The following ANTXR1 variants were observed in gnomAD, a reference collection of about 807,000 sequenced individuals.
ANTXR1 encodes ANTXR cell adhesion molecule 1, also known as anthrax toxin receptor 1.
A neutral mutation model predicts 78.1 loss-of-function variants in ANTXR1; 19 were observed. That is an observed-to-expected ratio of 0.24 (90% CI 0.17 to 0.36). The LOEUF (loss-of-function observed/expected upper bound fraction) is 0.36. Ranked by LOEUF, ANTXR1 falls within the 10% of genes least tolerant of loss-of-function variation. The pLI is 1.00. For missense variants in ANTXR1, 518 were observed against 718.6 expected, an observed-to-expected ratio of 0.72 and a Z score of 3.19; for synonymous variants, 273 against 260.5, an observed-to-expected ratio of 1.05 and a Z score of -0.46.
intron 17 of ANTXR1, among the ~76,000 whole-genome samples, chr2:69,205,591 CTT>C (rs768055915): frequency 2.3e-4 from 25 of 107,304 alleles, no homozygotes; most frequent in Non-Finnish European, 2.6e-4. Flanking sequence ...TGAACCATGG[CTT>C]TTTTTTTTTT....
At chr2:69,015,664 G>C (rs1420436545) in intron 1 of ANTXR1, among the ~76,000 whole-genome samples, 1 of 151,972 alleles carries the variant, frequency 6.6e-6, no homozygotes, top group East Asian at 1.9e-4. Context: ...TAATTTAGAT[G>C]AATATTACTG....
At chr2:69,196,548 T>C (rs1573969956) in intron 17 of ANTXR1, among the ~76,000 whole-genome samples, 2 of 152,336 alleles carry the variant, frequency 1.3e-5, no homozygotes, top group South Asian at 4.1e-4. Context: ...GCTCTGTCTA[T>C]ATGCTTCTTC....
chr2:69,230,746 GCAA>G (rs1420058749), intron 17 of ANTXR1, among the ~76,000 whole-genome samples: 2 of 152,078 alleles, frequency 1.3e-5, no homozygotes, highest in Non-Finnish European at 2.9e-5. Flanking sequence ...TTTCCAGATT[GCAA>G]CATTTTTCCC....
intron 1 of ANTXR1, among the ~76,000 whole-genome samples, chr2:69,029,926 G>GA (rs1407567307): frequency 6.6e-6 from 1 of 152,090 alleles, no homozygotes; most frequent in African/African-American, 2.4e-5. Flanking sequence ...TGTCAATAGA[G>GA]AAAATGAAAA....
intron 8 of ANTXR1, among the ~76,000 whole-genome samples, chr2:69,079,915 C>T (rs1178457336): frequency 6.6e-6 from 1 of 152,194 alleles, no homozygotes; most frequent in Non-Finnish European, 1.5e-5. Flanking sequence ...TTGAATACAT[C>T]AGCCTTAGCA....
At chr2:69,019,576 A>C (rs1558729239) in intron 1 of ANTXR1, among the ~76,000 whole-genome samples, 1 of 151,906 alleles carries the variant, frequency 6.6e-6, no homozygotes, top group African/African-American at 2.4e-5. Flanking sequence ...AAACCTGCGC[A>C]TCCTGCATAT....
intron 1 of ANTXR1, among the ~76,000 whole-genome samples, chr2:69,030,613 C>G (rs1350644351): frequency 1.3e-5 from 2 of 152,150 alleles, no homozygotes; most frequent in Non-Finnish European, 2.9e-5. Context: ...TCAGCAGAAT[C>G]TGAAAGACAT....
chr2:69,213,250 G>A (rs1460930178), intron 17 of ANTXR1, among the ~76,000 whole-genome samples: 1 of 152,226 alleles, frequency 6.6e-6, no homozygotes, highest in Non-Finnish European at 1.5e-5. Context: ...AGATTGAGCT[G>A]TGACTAGAAC....
intron 16 of ANTXR1, among the ~76,000 whole-genome samples, chr2:69,184,667 C>T (rs1045884218): frequency 1.3e-5 from 2 of 152,112 alleles, no homozygotes; most frequent in South Asian, 4.1e-4. Context: ...CGGTTTAGGA[C>T]TGAATTTGAT....
At chr2:69,089,317 T>C (rs547612608) in intron 8 of ANTXR1, among the ~76,000 whole-genome samples, 11 of 152,208 alleles carry the variant, frequency 7.2e-5, no homozygotes, top group South Asian at 2.1e-4. Context: ...CTTAAGCATG[T>C]TTGTTCATTT....
At chr2:69,221,372 C>G (rs1458840758) in intron 17 of ANTXR1, among the ~76,000 whole-genome samples, 1 of 152,134 alleles carries the variant, frequency 6.6e-6, no homozygotes, top group Non-Finnish European at 1.5e-5. Context: ...AAGTTTATTT[C>G]TTTTCAGTTC....
intron 8 of ANTXR1, among the ~76,000 whole-genome samples, chr2:69,079,655 G>A (rs1670842921): frequency 6.6e-6 from 1 of 152,204 alleles, no homozygotes; most frequent in African/African-American, 2.4e-5. Context: ...TATAGGCAGT[G>A]GGTGTAGTTA....
At chr2:69,106,147 T>C (rs1427329085) in intron 10 of ANTXR1, among the ~76,000 whole-genome samples, 1 of 152,194 alleles carries the variant, frequency 6.6e-6, no homozygotes, top group Non-Finnish European at 1.5e-5. Flanking sequence ...AAAATGCCAA[T>C]ATATTAATGC....
intron 12 of ANTXR1, chr2:69,135,205 G>T: frequency 5.4e-6 from 1 of 186,750 alleles, no homozygotes; most frequent in African/African-American, 2.3e-5. Context: ...GTTTTTCTTG[G>T]ATGTTTGAGC....
At chr2:69,202,033 G>C (rs1175211184) in intron 17 of ANTXR1, among the ~76,000 whole-genome samples, 1 of 152,172 alleles carries the variant, frequency 6.6e-6, no homozygotes, top group Non-Finnish European at 1.5e-5. Flanking sequence ...GGGCAGTTTT[G>C]CTCCAGTGAG....
chr2:69,123,414 T>G (rs148514876), intron 11 of ANTXR1, among the ~76,000 whole-genome samples: 106 of 152,356 alleles, frequency 7.0e-4, no homozygotes, highest in Admixed American at 2.3e-3. Context: ...AAGGTCTGTC[T>G]GGCTTAATCA....
At chr2:69,034,301 G>T (rs530123794) in intron 1 of ANTXR1, among the ~76,000 whole-genome samples, 1 of 152,324 alleles carries the variant, frequency 6.6e-6, no homozygotes, top group East Asian at 1.9e-4. Context: ...GGCCAAGTCA[G>T]ATGGTAGTGT....
chr2:69,126,354 A>G (rs1267776879), intron 12 of ANTXR1, among the ~76,000 whole-genome samples: 1 of 152,186 alleles, frequency 6.6e-6, no homozygotes, highest in East Asian at 1.9e-4. Context: ...CATGTCTCAG[A>G]CATCTGGTCA....
At chr2:69,130,150 T>C (rs1469761508) in intron 12 of ANTXR1, among the ~76,000 whole-genome samples, 1 of 152,204 alleles carries the variant, frequency 6.6e-6, no homozygotes, top group Non-Finnish European at 1.5e-5. Flanking sequence ...ACCCAAGATG[T>C]GGCAGTGCGG....
Sources: gnomAD v4.1 joint callset for allele counts (sites outside exome capture counted in the v4.1 genomes callset) on GRCh38, gnomAD v4.1.1 for gene constraint, MANE v1.5 for transcripts, NCBI Gene and HGNC (gene_info 2026-07-23, HGNC 2026-07-21) for gene names.